Variants in GYPB observed in about 807,000 individuals in gnomAD.
GYPB encodes the protein glycophorin B (MNS blood group), also known as glycophorin-B.
A neutral mutation model predicts 15.3 loss-of-function variants in GYPB; 13 were observed. The ratio of observed to expected loss-of-function variants is 0.85; its 90% CI spans 0.55 to 1.35. The LOEUF (loss-of-function observed/expected upper bound fraction) is 1.35. GYPB is among the 40% of genes most tolerant of loss of function. The probability of loss-of-function intolerance (pLI) is 0.00; values close to 1 mark genes in which losing one functional copy is unlikely to be tolerated. For missense variants in GYPB, 131 were observed against 108.3 expected (o/e 1.21, Z -0.93); for synonymous variants, 38 against 36.9 (o/e 1.03, Z -0.11).
At chr4:144,001,101 C>T in intron 2 of GYPB, 84 bp downstream of exon 2, 1 of 1,606,766 alleles carries the variant, frequency 6.2e-7, no homozygotes, top group Non-Finnish European at 8.5e-7. Context: ...GTCAGTTTCT[C>T]TGCAGTGACA....
At chr4:144,006,381 G>A (rs1222051565) in intron 1 of GYPB, among the ~76,000 whole-genome samples, 2 of 151,966 alleles carry the variant, frequency 1.3e-5, no homozygotes, top group Admixed American at 6.5e-5. Context: ...ATTGTACCAA[G>A]GAGGTGGGGT....
chr4:143,997,715 TAAC>T, intron 3 of GYPB, 81 bp from the exon 4 acceptor site: 1 of 749,846 alleles, frequency 1.3e-6, no homozygotes, highest in Non-Finnish European at 2.5e-6. Flanking sequence ...AACATCAGCA[TAAC>T]ATCACCTTGC....
At chr4:144,014,549 G>C (rs1728393493) in intron 1 of GYPB, among the ~76,000 whole-genome samples, 1 of 151,348 alleles carries the variant, frequency 6.6e-6, no homozygotes, top group Non-Finnish European at 1.5e-5. Context: ...CCTATTATAT[G>C]ATTCCATTTA....
At chr4:144,014,459 T>A (rs1171169330) in intron 1 of GYPB, among the ~76,000 whole-genome samples, 2 of 151,840 alleles carry the variant, frequency 1.3e-5, no homozygotes, top group East Asian at 3.9e-4. Context: ...ACATTTATTA[T>A]AAAAGGAATG....
downstream of GYPB, among the ~76,000 whole-genome samples, chr4:143,995,209 A>G (rs1480609952): frequency 2.0e-5 from 3 of 151,184 alleles, no homozygotes; most frequent in African/African-American, 2.5e-5. Context: ...GTGTGACTGT[A>G]ATGTCTGAGG....
chr4:144,011,533 G>A (rs1235371914), intron 1 of GYPB, among the ~76,000 whole-genome samples: 1 of 151,060 alleles, frequency 6.6e-6, no homozygotes, highest in African/African-American at 2.5e-5. Flanking sequence ...AAGTAATTAT[G>A]GACCATTATA....
chr4:144,007,558 G>A lies in GYPB; in HGVS notation c.38-6275C>T, dbSNP rs142191082. Reference sequence around the variant, plus strand: ...CCCAAACCATTGCTGAGACAGCAGAGGTGGAGAAAAAAATCGGTCAGTCTG... The same window carrying A: ...CCCAAACCATTGCTGAGACAGCAGAAGTGGAGAAAAAAATCGGTCAGTCTG... On this transcript the variant is annotated intron_variant, in intron 1 of 4. Transcript: ENST00000502664. Among the ~76,000 whole-genome samples, 43 of 151,548 alleles carry A rather than the reference G, an allele frequency of 2.8e-4. No homozygotes were observed. In the East Asian group the frequency reaches 7.5e-3, roughly 27 times the overall value.
intron 1 of GYPB, among the ~76,000 whole-genome samples, chr4:144,007,794 G>A (rs17421444): frequency 1.4e-3 from 208 of 150,432 alleles, no homozygotes; most frequent in African/African-American, 4.5e-3. Flanking sequence ...CTCTTTTTAA[G>A]CTTTAAAAAA....
chr4:144,003,203 A>G (rs1251180151), intron 1 of GYPB, among the ~76,000 whole-genome samples: 1 of 151,488 alleles, frequency 6.6e-6, no homozygotes, highest in Non-Finnish European at 1.5e-5. Flanking sequence ...TAAATGTTAG[A>G]TATGAGCTTT....
intron 1 of GYPB, among the ~76,000 whole-genome samples, chr4:144,018,344 T>C (rs966405637): frequency 3.5e-4 from 53 of 151,160 alleles, no homozygotes; most frequent in Admixed American, 2.2e-3. Flanking sequence ...TATTTTATCC[T>C]CCCCTAGGGT....
chr4:144,004,379 G>C, intron 1 of GYPB, among the ~76,000 whole-genome samples: 1 of 151,968 alleles, frequency 6.6e-6, no homozygotes, highest in Non-Finnish European at 1.5e-5. Context: ...ACCCATGCTT[G>C]CTTAGTGGTA....
intron 1 of GYPB, among the ~76,000 whole-genome samples, chr4:144,013,120 T>C (rs1253046488): frequency 6.6e-6 from 1 of 151,340 alleles, no homozygotes; most frequent in African/African-American, 2.5e-5. Context: ...AAAAATAAAT[T>C]TAAAAATGGG....
chr4:144,011,328 C>T (rs1439351146), intron 1 of GYPB, among the ~76,000 whole-genome samples: 1 of 151,074 alleles, frequency 6.6e-6, no homozygotes, highest in Non-Finnish European at 1.5e-5. Flanking sequence ...TGCAGTGAGC[C>T]GAGATCGTGC....
At chr4:144,012,612 C>T (rs1728273031) in intron 1 of GYPB, 1 of 151,314 alleles carries the variant, frequency 6.6e-6, no homozygotes, top group Non-Finnish European at 1.5e-5. Flanking sequence ...GTGATTTTGC[C>T]CCAAGAACAG....
intron 1 of GYPB, 115 bp downstream of exon 1, chr4:144,019,136 A>G (rs1470650151): frequency 6.6e-7 from 1 of 1,508,308 alleles, no homozygotes; most frequent in Non-Finnish European, 8.9e-7. Context: ...CTGGAAGAGG[A>G]AATACTACTC....
rs748255209 is a variant in GYPB at position 144,002,668 on chromosome 4, G to A, written c.38-1385C>T. ...CTTCTTCTCAGAGGCAGCCAACTTGGCCCCTCAGCTGAATGCTCAAAGTTT... is the reference window on the plus strand; with the variant it reads ...CTTCTTCTCAGAGGCAGCCAACTTGACCCCTCAGCTGAATGCTCAAAGTTT... On this transcript the variant is annotated intron_variant, in intron 1 of 4. Transcript: ENST00000502664. The A allele has an allele frequency of 3.1e-6, 4 of 1,285,450 alleles. No individual in the cohort carries two copies. In the South Asian group the frequency reaches 3.7e-5, roughly 12 times the overall value. 79.6% of individuals were successfully genotyped at this position (1,285,450 alleles called of 1,614,324 possible). A position where few individuals can be genotyped will look rare whatever the true frequency, so the allele number is the denominator to read the frequency against.
At chr4:144,014,983 C>A (rs1209197077) in intron 1 of GYPB, among the ~76,000 whole-genome samples, 1 of 151,230 alleles carries the variant, frequency 6.6e-6, no homozygotes. Flanking sequence ...TTGTACACTA[C>A]AAAGAAAGAT....
chr4:144,013,532 A>G lies in GYPB; in HGVS notation c.37+5719T>C, dbSNP rs532789734. On this transcript the variant is annotated intron_variant, in intron 1 of 4. Coordinates refer to ENST00000502664, the MANE Select transcript of GYPB (RefSeq NM_002100.6). ...TTGGAACCAACCCAAATGTCCATCA[A>G]TGATAGACTGGATTAAGAAAATGTG... 3.9e-4 allele frequency among the ~76,000 whole-genome samples: 59 copies of G among 151,502 alleles called. 1 individual carries two copies. The highest frequency in any genetic ancestry group is 6.8e-3 in the Middle Eastern group (2 of 294).
At chr4:143,996,911 T>C (rs1224479318) in intron 4 of GYPB, among the ~76,000 whole-genome samples, 1 of 151,080 alleles carries the variant, frequency 6.6e-6, no homozygotes, top group Non-Finnish European at 1.5e-5. Context: ...TATTTATTTA[T>C]TTATATATTT....
Sources: allele counts gnomAD v4.1 joint callset (sites outside exome capture counted in the v4.1 genomes callset), GRCh38; gene constraint gnomAD v4.1.1; transcripts MANE v1.5; gene names NCBI Gene and HGNC (gene_info 2026-07-23, HGNC 2026-07-21).